The following CTNNBL1 variants were observed in gnomAD, a reference collection of about 807,000 sequenced individuals.
CTNNBL1 encodes the protein beta-catenin-like protein 1.
In CTNNBL1, 31 loss-of-function variants were observed where a neutral mutation model predicts 72.7. That is an observed-to-expected ratio of 0.43 (90% CI 0.32 to 0.58). CTNNBL1 has a LOEUF of 0.58. Among genes scored for constraint, CTNNBL1 ranks in the 20% least tolerant of loss-of-function variants. CTNNBL1 has a pLI of 0.08. For missense variants in CTNNBL1, 534 were observed against 725.1 expected, an observed-to-expected ratio of 0.74 and a Z score of 3.03; for synonymous variants, 240 against 267.3, an observed-to-expected ratio of 0.90 and a Z score of 1.00.
intron 1 of CTNNBL1, among the ~76,000 whole-genome samples, chr20:37,725,254 C>T (rs1034439185): frequency 2.0e-5 from 3 of 151,772 alleles, no homozygotes; most frequent in African/African-American, 7.2e-5. Flanking sequence ...CATTTAAAAA[C>T]CTAACTATTA....
rs761749511 is a variant in CTNNBL1 at position 37,821,334 on chromosome 20, G to A, written c.1213+18286G>A. 7.9e-4 allele frequency among the ~76,000 whole-genome samples: 121 copies of A among 152,318 alleles called. 1 individual carries two copies. Among genetic ancestry groups the A allele is most frequent in the Middle Eastern group, 3.4e-3 (1 of 294 alleles). On this transcript the variant is annotated intron_variant, in intron 11 of 15. Coordinates refer to ENST00000361383, the MANE Select transcript of CTNNBL1 (RefSeq NM_030877.5). ...GCTAGGCAAGAACTATGCCTTACGC[G>A]TGGGGGTGGATAGGAATCCCTTTTG...
intron 13 of CTNNBL1, among the ~76,000 whole-genome samples, chr20:37,844,465 G>A (rs1326831817): frequency 6.6e-6 from 1 of 152,208 alleles, no homozygotes; most frequent in Non-Finnish European, 1.5e-5. Context: ...AAAGCGCAGT[G>A]ATAGGTTGGT....
intron 13 of CTNNBL1, among the ~76,000 whole-genome samples, chr20:37,844,802 G>T (rs1479171073): frequency 2.6e-5 from 4 of 152,084 alleles, no homozygotes; most frequent in African/African-American, 9.7e-5. Flanking sequence ...ACAAAAATTA[G>T]CTGGGCATGA....
chr20:37,848,686 G>A (rs2072368364), intron 13 of CTNNBL1, among the ~76,000 whole-genome samples: 1 of 152,146 alleles, frequency 6.6e-6, no homozygotes, highest in Non-Finnish European at 1.5e-5. Context: ...AGAAGTCAGA[G>A]GACCTGAATT....
intron 10 of CTNNBL1, among the ~76,000 whole-genome samples, chr20:37,785,683 T>G (rs1207330850): frequency 1.3e-5 from 2 of 152,210 alleles, no homozygotes; most frequent in Admixed American, 1.3e-4. Flanking sequence ...CTCAAAACGC[T>G]ATTTTGAATT....
In CTNNBL1 at chr20:37,767,970, G is replaced by A; in HGVS notation, c.676G>A (p.Ala226Thr). ...HNTLAIVENM[A>T]EFRPEMCTEG... ...CCCTTCAGCTATTGTGGAAAACATG[G>A]CTGAGTTCCGGCCTGAGATGTGTAC... Residue 226 changes from alanine to threonine, a missense_variant, in exon 7 of 16, where the codon GCT (alanine) becomes ACT (threonine). Transcript: ENST00000361383. The A allele has an allele frequency of 6.2e-7, 1 of 1,614,020 alleles. No individual in the cohort carries two copies. Among genetic ancestry groups the A allele is most frequent in the Non-Finnish European group, 8.5e-7 (1 of 1,179,932 alleles).
At position 37,718,500 on chromosome 20, in the gene CTNNBL1, C is replaced by T. The variant is rs1221570949; in HGVS notation, c.31-14379C>T. Among the ~76,000 whole-genome samples the T allele has an allele frequency of 4.4e-5, 6 of 137,662 alleles. No homozygotes were observed. The East Asian group carries it at 9.4e-4, about 21-fold the overall frequency. The allele number at this position is 137,662 out of a possible 152,430, so 90.3% of individuals were successfully genotyped here. On this transcript the variant is annotated intron_variant, in intron 1 of 15. Transcript: ENST00000361383. ...CTCCCTCCCAGACGGGGCGGCTGGC[C>T]GGGCAGAGGGGCTCCTCACTTCCCA...
At chr20:37,703,818 C>A (rs2072863299) in intron 1 of CTNNBL1, among the ~76,000 whole-genome samples, 1 of 148,384 alleles carries the variant, frequency 6.7e-6, no homozygotes, top group Non-Finnish European at 1.5e-5. Context: ...GAGTTTTGCT[C>A]TTGTTGCCCA....
In CTNNBL1 at chr20:37,718,357, C is replaced by T. The variant is rs527507821; in HGVS notation, c.31-14522C>T. Among the ~76,000 whole-genome samples, 15 of 140,914 alleles carry T rather than the reference C, an allele frequency of 1.1e-4. No homozygotes were observed. In the South Asian group the frequency reaches 2.9e-3, roughly 27 times the overall value. The allele number at this position is 140,914 out of a possible 152,430, so 92.4% of individuals were successfully genotyped here. A position where few individuals can be genotyped will look rare whatever the true frequency, so the allele number is the denominator to read the frequency against. On this transcript the variant is annotated intron_variant, in intron 1 of 15. Transcript: ENST00000361383. ...GGGGCTCCTCACTTCCCAGTAGGGG[C>T]GGCCGGGCAGAGGCACCCCTCACCT...
chr20:37,774,567 A>T, intron 7 of CTNNBL1, among the ~76,000 whole-genome samples: 1 of 152,228 alleles, frequency 6.6e-6, no homozygotes, highest in Non-Finnish European at 1.5e-5. Context: ...TCTGGTTTTT[A>T]AAAACTTACT....
chr20:37,868,599 G>A (rs2072556726), intron 15 of CTNNBL1, among the ~76,000 whole-genome samples: 1 of 152,176 alleles, frequency 6.6e-6, no homozygotes, highest in Non-Finnish European at 1.5e-5. Flanking sequence ...CCAGAGAATG[G>A]GTGATGTGAC....
intron 10 of CTNNBL1, among the ~76,000 whole-genome samples, chr20:37,794,523 C>T (rs906033694): frequency 6.6e-5 from 10 of 151,884 alleles, no homozygotes; most frequent in African/African-American, 1.9e-4. Context: ...GAGATAGTCT[C>T]GCTCTGTCAC....
At chr20:37,859,689 C>T (rs1317378089) in intron 13 of CTNNBL1, among the ~76,000 whole-genome samples, 4 of 151,448 alleles carry the variant, frequency 2.6e-5, no homozygotes, top group African/African-American at 9.7e-5. Flanking sequence ...AGGCTTTAAG[C>T]TTGCCTCCTG....
intron 5 of CTNNBL1, among the ~76,000 whole-genome samples, chr20:37,760,072 G>A (rs187622768): frequency 3.9e-5 from 6 of 152,260 alleles, no homozygotes; most frequent in African/African-American, 1.4e-4. Flanking sequence ...AGGGATCTTC[G>A]GGGTTTTAAA....
intron 4 of CTNNBL1, among the ~76,000 whole-genome samples, chr20:37,754,016 A>G (rs983805443): frequency 6.6e-6 from 1 of 152,318 alleles, no homozygotes; most frequent in East Asian, 1.9e-4. Flanking sequence ...TTTTGGGACC[A>G]TGTGAGGCAA....
intron 1 of CTNNBL1, among the ~76,000 whole-genome samples, chr20:37,694,525 C>T (rs1347975036): frequency 1.3e-5 from 2 of 152,152 alleles, no homozygotes; most frequent in Non-Finnish European, 2.9e-5. Flanking sequence ...TGGATTTGAT[C>T]TCCAGCTTCT....
chr20:37,808,224 G>C (rs944286978), intron 11 of CTNNBL1, among the ~76,000 whole-genome samples: 3 of 151,400 alleles, frequency 2.0e-5, no homozygotes, highest in Non-Finnish European at 4.4e-5. Context: ...GCAAAGAATT[G>C]TAAGTGATTC....
At chr20:37,826,395 T>C (rs1284575330) in intron 11 of CTNNBL1, among the ~76,000 whole-genome samples, 2 of 152,186 alleles carry the variant, frequency 1.3e-5, no homozygotes, top group Non-Finnish European at 2.9e-5. Context: ...ACCCAGTAGG[T>C]GCTTAGACAA....
intron 11 of CTNNBL1, among the ~76,000 whole-genome samples, chr20:37,828,304 T>G (rs1236030714): frequency 6.6e-6 from 1 of 152,184 alleles, no homozygotes; most frequent in African/African-American, 2.4e-5. Flanking sequence ...TCTCCGCACA[T>G]CCTTACAAGC....
Sources: gnomAD v4.1 joint callset for allele counts (sites outside exome capture counted in the v4.1 genomes callset) on GRCh38, gnomAD v4.1.1 for gene constraint, MANE v1.5 for transcripts, NCBI Gene and HGNC (gene_info 2026-07-23, HGNC 2026-07-21) for gene names.